Variants in AOAH observed in about 807,000 individuals in gnomAD.
The protein encoded by AOAH is acyloxyacyl hydrolase (neutrophil).
Under a neutral mutation model 92.2 loss-of-function variants are expected in AOAH, and 64 were observed. The ratio of observed to expected loss-of-function variants is 0.69; its 90% CI spans 0.57 to 0.86. AOAH has a LOEUF of 0.86. Ranked by LOEUF, AOAH falls within the 40% of genes least tolerant of loss-of-function variation. The pLI, the probability that AOAH is intolerant of heterozygous loss-of-function variation, is 0.00. For synonymous variants in AOAH, 263 were observed against 254.5 expected (o/e 1.03, Z -0.32); for missense variants, 656 against 694.6 (o/e 0.94, Z 0.62).
chr7:36,559,736 T>C (rs546191537), intron 13 of AOAH, among the ~76,000 whole-genome samples: 1 of 152,334 alleles, frequency 6.6e-6, no homozygotes, highest in African/African-American at 2.4e-5. Context: ...AGAAGCTCTT[T>C]AATTAGGTCC....
At chr7:36,626,398 C>T (rs1003860094) in intron 6 of AOAH, among the ~76,000 whole-genome samples, 1 of 152,198 alleles carries the variant, frequency 6.6e-6, no homozygotes, top group Non-Finnish European at 1.5e-5. Context: ...CCTTTGTCTG[C>T]TTACTTTAAA....
At chr7:36,687,666 AG>A (rs1215385972) in intron 1 of AOAH, among the ~76,000 whole-genome samples, 1 of 152,160 alleles carries the variant, frequency 6.6e-6, no homozygotes, top group Non-Finnish European at 1.5e-5. Context: ...ACTTGCTGGC[AG>A]AGGTTCATTT....
intron 4 of AOAH, among the ~76,000 whole-genome samples, chr7:36,653,009 A>G (rs1004558314): frequency 1.3e-5 from 2 of 152,236 alleles, no homozygotes; most frequent in African/African-American, 4.8e-5. Context: ...TGACTAAGTA[A>G]TAGTAATGTG....
intron 1 of AOAH, among the ~76,000 whole-genome samples, chr7:36,702,072 T>C (rs1042217500): frequency 6.6e-6 from 1 of 152,154 alleles, no homozygotes; most frequent in Non-Finnish European, 1.5e-5. Flanking sequence ...CCTCACCTTG[T>C]ATTTGGGCTA....
intron 12 of AOAH, among the ~76,000 whole-genome samples, chr7:36,578,931 G>A (rs1788721831): frequency 6.6e-6 from 1 of 152,128 alleles, no homozygotes; most frequent in Non-Finnish European, 1.5e-5. Flanking sequence ...TGTTTCTGGG[G>A]AGGTCTCAGG....
At chr7:36,694,858 A>C (rs1584135117) in intron 1 of AOAH, among the ~76,000 whole-genome samples, 2 of 152,186 alleles carry the variant, frequency 1.3e-5, no homozygotes, top group African/African-American at 4.8e-5. Flanking sequence ...GAGTGGATGG[A>C]TAGATTGATG....
intron 1 of AOAH, among the ~76,000 whole-genome samples, chr7:36,699,347 G>A (rs1189210614): frequency 6.6e-6 from 1 of 152,010 alleles, no homozygotes; most frequent in Non-Finnish European, 1.5e-5. Context: ...GGATCGTATG[G>A]TAGTTCTATT....
At chr7:36,663,906 A>G (rs1562672673) in intron 3 of AOAH, among the ~76,000 whole-genome samples, 1 of 152,106 alleles carries the variant, frequency 6.6e-6, no homozygotes, top group East Asian at 1.9e-4. Context: ...AATTTTAGCC[A>G]TTCTATGAAC....
intron 20 of AOAH, among the ~76,000 whole-genome samples, chr7:36,518,622 G>A (rs1783950342): frequency 6.6e-6 from 1 of 152,216 alleles, no homozygotes; most frequent in African/African-American, 2.4e-5. Flanking sequence ...GCTAGGGAAT[G>A]GGTGCTCTGA....
At chr7:36,718,933 C>A (rs1451621943) in intron 1 of AOAH, among the ~76,000 whole-genome samples, 1 of 152,156 alleles carries the variant, frequency 6.6e-6, no homozygotes, top group African/African-American at 2.4e-5. Context: ...GTTTATGATA[C>A]ATGAATTATA....
intron 3 of AOAH, among the ~76,000 whole-genome samples, chr7:36,666,514 A>G (rs945606859): frequency 1.3e-5 from 2 of 151,940 alleles, no homozygotes; most frequent in Non-Finnish European, 2.9e-5. Flanking sequence ...TTAATTTTCT[A>G]TTAATTTTCT....
rs553877243 is a variant in AOAH at position 36,545,287 on chromosome 7, C to T, written c.1133+3325G>A. On this transcript the variant is annotated intron_variant, in intron 15 of 20. Transcript: ENST00000617537. ...AACATCCCTTAAAAGTGGGTGTGGCCTGGAACATGCTGGCTGGTTGGAACT... is the reference window on the plus strand; with the variant it reads ...AACATCCCTTAAAAGTGGGTGTGGCTTGGAACATGCTGGCTGGTTGGAACT... Among the ~76,000 whole-genome samples the T allele has an allele frequency of 2.2e-4, 34 of 152,282 alleles. 1 individual carries two copies. The South Asian group carries it at 7.0e-3, about 32-fold the overall frequency.
intron 11 of AOAH, among the ~76,000 whole-genome samples, chr7:36,615,666 G>A (rs1418384412): frequency 6.6e-6 from 1 of 152,196 alleles, no homozygotes; most frequent in Non-Finnish European, 1.5e-5. Flanking sequence ...TGGCCCTCCT[G>A]ATAATGCAGC....
chr7:36,548,267 C>G (rs1413656492), intron 15 of AOAH, among the ~76,000 whole-genome samples: 1 of 152,160 alleles, frequency 6.6e-6, no homozygotes, highest in Non-Finnish European at 1.5e-5. Flanking sequence ...CTCATGGCAA[C>G]CTCTGTCTCC....
chr7:36,722,419 A>G (rs1310169107), intron 1 of AOAH, among the ~76,000 whole-genome samples: 1 of 152,222 alleles, frequency 6.6e-6, no homozygotes. Context: ...GTTTGCAATG[A>G]GCCCAGAAGT....
chr7:36,684,899 C>T (rs769781937), intron 2 of AOAH, among the ~76,000 whole-genome samples: 4 of 85,816 alleles, frequency 4.7e-5, no homozygotes, highest in Non-Finnish European at 8.0e-5. Context: ...AGACTGAGAC[C>T]TTGTCTCAAA....
intron 13 of AOAH, among the ~76,000 whole-genome samples, chr7:36,571,010 G>A (rs1362987387): frequency 6.6e-6 from 1 of 152,174 alleles, no homozygotes; most frequent in Non-Finnish European, 1.5e-5. Flanking sequence ...ACCAAGGAAA[G>A]TGCAATAACA....
intron 4 of AOAH, among the ~76,000 whole-genome samples, chr7:36,645,168 A>G (rs187882674): frequency 1.4e-3 from 216 of 152,224 alleles, no homozygotes; most frequent in Middle Eastern, 3.4e-3. Context: ...GAATCTCCCT[A>G]TGATGGTTTT....
In AOAH at chr7:36,721,705, G is replaced by T. The variant is rs114172004; in HGVS notation, c.127+2317C>A. ...AGTCTCCAAGCCCTTGGGGCCATGA[G>T]AATTTGTATGGGCAACCAAAGTGAA... On this transcript the variant is annotated intron_variant, in intron 1 of 20. Coordinates refer to ENST00000617537, the MANE Select transcript of AOAH (RefSeq NM_001637.4). Among the ~76,000 whole-genome samples, 624 of 152,322 alleles carry T rather than the reference G, an allele frequency of 4.1e-3. 7 individuals carry two copies. The highest frequency in any genetic ancestry group is 0.014 in the African/African-American group (595 of 41,566).
Sources: gnomAD v4.1 joint callset for allele counts (sites outside exome capture counted in the v4.1 genomes callset) on GRCh38, gnomAD v4.1.1 for gene constraint, MANE v1.5 for transcripts, NCBI Gene and HGNC (gene_info 2026-07-23, HGNC 2026-07-21) for gene names.